TLE4: variants seen among roughly 807,000 people sequenced by gnomAD.
TLE4 encodes the protein transducin-like enhancer protein 4.
Under a neutral mutation model 92.8 loss-of-function variants are expected in TLE4, and 8 were observed. The ratio of observed to expected loss-of-function variants is 0.09; its 90% CI spans 0.05 to 0.16. The LOEUF is 0.16. Among genes scored for constraint, TLE4 ranks in the 10% least tolerant of loss-of-function variants. The probability of loss-of-function intolerance (pLI) is 1.00; values close to 1 mark genes in which losing one functional copy is unlikely to be tolerated. For synonymous variants in TLE4, 371 were observed against 374.1 expected (o/e 0.99, Z 0.10); for missense variants, 675 against 997.6 (o/e 0.68, Z 4.36).
chr9:79,715,581 A>G (rs953077469), intron 14 of TLE4, among the ~76,000 whole-genome samples: 1 of 152,012 alleles, frequency 6.6e-6, no homozygotes, highest in African/African-American at 2.4e-5. Flanking sequence ...GAACTTTTCT[A>G]CCTGTTGGTG....
chr9:79,596,727 C>T (rs1489014047), intron 4 of TLE4, among the ~76,000 whole-genome samples: 3 of 152,204 alleles, frequency 2.0e-5, no homozygotes, highest in Admixed American at 1.3e-4. Flanking sequence ...AACAGAACTA[C>T]TTACCTTAAG....
intron 5 of TLE4, among the ~76,000 whole-genome samples, chr9:79,625,486 C>T (rs887432590): frequency 3.3e-5 from 5 of 152,068 alleles, no homozygotes; most frequent in South Asian, 2.1e-4. Flanking sequence ...TATGTCCTTC[C>T]GGTGTCTACA....
chr9:79,637,685 G>C (rs1417864671), intron 6 of TLE4, among the ~76,000 whole-genome samples: 2 of 152,142 alleles, frequency 1.3e-5, no homozygotes, highest in African/African-American at 4.8e-5. Context: ...CTTCCTGTCT[G>C]TTGTATCTTA....
At chr9:79,604,274 G>A (rs1373567368) in intron 4 of TLE4, among the ~76,000 whole-genome samples, 1 of 152,124 alleles carries the variant, frequency 6.6e-6, no homozygotes, top group African/African-American at 2.4e-5. Flanking sequence ...AAGAGGGACT[G>A]TCTCCTTGTT....
At chr9:79,669,444 G>A (rs2061911751) in intron 8 of TLE4, among the ~76,000 whole-genome samples, 2 of 152,206 alleles carry the variant, frequency 1.3e-5, no homozygotes, top group African/African-American at 4.8e-5. Flanking sequence ...ATGTCTTTTG[G>A]AAGAGTGCGT....
intron 4 of TLE4, among the ~76,000 whole-genome samples, chr9:79,598,029 G>C (rs1238087551): frequency 1.4e-5 from 2 of 143,828 alleles, no homozygotes; most frequent in Non-Finnish European, 3.0e-5. Context: ...TCAGGAGATC[G>C]AGACTATCCT....
chr9:79,609,814 C>T (rs1057223842), intron 4 of TLE4, among the ~76,000 whole-genome samples: 1 of 152,030 alleles, frequency 6.6e-6, no homozygotes, highest in Non-Finnish European at 1.5e-5. Context: ...TGTACTTGCT[C>T]AGGGATGCAT....
At chr9:79,595,940 G>A (rs757763677) in intron 4 of TLE4, among the ~76,000 whole-genome samples, 8 of 150,158 alleles carry the variant, frequency 5.3e-5, no homozygotes, top group African/African-American at 1.2e-4. Context: ...TCTGCCTCCC[G>A]GGTTCACACC....
intron 4 of TLE4, among the ~76,000 whole-genome samples, chr9:79,600,958 A>G (rs1397034838): frequency 6.6e-6 from 1 of 152,156 alleles, no homozygotes; most frequent in African/African-American, 2.4e-5. Flanking sequence ...TCGAGATAAC[A>G]TTATAGAGAT....
intron 8 of TLE4, among the ~76,000 whole-genome samples, chr9:79,679,584 G>C (rs935195385): frequency 1.3e-5 from 2 of 152,146 alleles, no homozygotes; most frequent in Admixed American, 6.5e-5. Flanking sequence ...CACTCTGATG[G>C]TAGTTTCTTT....
At chr9:79,716,926 T>C (rs917917061) in intron 14 of TLE4, among the ~76,000 whole-genome samples, 3 of 152,226 alleles carry the variant, frequency 2.0e-5, no homozygotes, top group Non-Finnish European at 4.4e-5. Context: ...TCAAGAAATA[T>C]GTGTTAAGTG....
At chr9:79,619,120 G>C (rs887667106) in intron 5 of TLE4, among the ~76,000 whole-genome samples, 8 of 152,102 alleles carry the variant, frequency 5.3e-5, no homozygotes, top group African/African-American at 1.9e-4. Context: ...TTATTTGGTA[G>C]AAAATAATAG....
At position 79,618,652 on chromosome 9, in the gene TLE4, G is replaced by GT. The variant is rs550777888; in HGVS notation, c.315+5942dup. Among the ~76,000 whole-genome samples, 12 of 151,978 alleles carry GT rather than the reference G, an allele frequency of 7.9e-5. No homozygotes were observed. In the South Asian group the frequency reaches 1.7e-3, roughly 21 times the overall value. On this transcript the variant is annotated intron_variant, in intron 5 of 19. Transcript: ENST00000376552. ...TCTACACTCCTGTAATTCCATGACT[G>GT]TTTTTTTTGGTGGTGGTGGTTGTTT...
At chr9:79,635,915 C>T (rs888812829) in intron 6 of TLE4, among the ~76,000 whole-genome samples, 8 of 152,104 alleles carry the variant, frequency 5.3e-5, no homozygotes, top group Admixed American at 2.0e-4. Flanking sequence ...AGGGTCTAAG[C>T]TCAGTATAAA....
At chr9:79,600,956 A>C (rs2045495380) in intron 4 of TLE4, among the ~76,000 whole-genome samples, 1 of 152,174 alleles carries the variant, frequency 6.6e-6, no homozygotes, top group African/African-American at 2.4e-5. Flanking sequence ...ACTCGAGATA[A>C]CATTATAGAG....
At chr9:79,597,863 A>ATTT (rs1370589246) in intron 4 of TLE4, among the ~76,000 whole-genome samples, 3 of 152,160 alleles carry the variant, frequency 2.0e-5, no homozygotes, top group African/African-American at 7.2e-5. Context: ...TGTTCTGAAC[A>ATTT]TTAAGTGAAA....
intron 4 of TLE4, among the ~76,000 whole-genome samples, chr9:79,611,535 G>C (rs1564371081): frequency 6.6e-6 from 1 of 152,038 alleles, no homozygotes; most frequent in Admixed American, 6.6e-5. Flanking sequence ...TAATGACTTG[G>C]CAAGAAAAGG....
At chr9:79,588,835 T>C (rs1338509220) in intron 4 of TLE4, among the ~76,000 whole-genome samples, 2 of 152,218 alleles carry the variant, frequency 1.3e-5, no homozygotes, top group African/African-American at 4.8e-5. Context: ...TTTATATGCA[T>C]AATTGTGTAC....
intron 8 of TLE4, among the ~76,000 whole-genome samples, chr9:79,660,793 A>G (rs2060419881): frequency 6.6e-6 from 1 of 152,232 alleles, no homozygotes; most frequent in Admixed American, 6.5e-5. Flanking sequence ...TCTTTAGGGC[A>G]TAGCTGGTCC....
Sources: allele counts gnomAD v4.1 joint callset (sites outside exome capture counted in the v4.1 genomes callset), GRCh38; gene constraint gnomAD v4.1.1; transcripts MANE v1.5; gene names NCBI Gene and HGNC (gene_info 2026-07-23, HGNC 2026-07-21).